The following OVCH1 variants were observed in gnomAD, a reference collection of about 807,000 sequenced individuals.
The protein encoded by OVCH1 is ovochymase 1.
A neutral mutation model predicts 138.4 loss-of-function variants in OVCH1; 139 were observed. That is an observed-to-expected ratio of 1.00 (90% CI 0.87 to 1.16). OVCH1 has a LOEUF of 1.16. Among genes scored for constraint, OVCH1 ranks in the 50% most tolerant of loss-of-function variants. OVCH1 has a pLI of 0.00. For synonymous variants in OVCH1, 453 were observed against 467.8 expected, an observed-to-expected ratio of 0.97 and a Z score of 0.41; for missense variants, 1,367 against 1,357.9, an observed-to-expected ratio of 1.01 and a Z score of -0.11.
chr12:29,487,526 C>A, intron 7 of OVCH1, 167 bp downstream of exon 7: 1 of 598,264 alleles, frequency 1.7e-6, no homozygotes, highest in Non-Finnish European at 2.7e-6. Context: ...GTTATATTGA[C>A]AGATTTCTGT....
chr12:29,407,795 T>G (rs1168330891), downstream of OVCH1, among the ~76,000 whole-genome samples: 1 of 151,234 alleles, frequency 6.6e-6, no homozygotes, highest in Non-Finnish European at 1.5e-5. Context: ...TGCGGGCTCT[T>G]TTTTGGTTCC....
At chr12:29,470,011 G>T (rs533415454) in intron 16 of OVCH1, among the ~76,000 whole-genome samples, 1 of 152,214 alleles carries the variant, frequency 6.6e-6, no homozygotes, top group South Asian at 2.1e-4. Flanking sequence ...ACAAATTACA[G>T]TTATACACAG....
chr12:29,439,300 G>T, intron 26 of OVCH1: 2 of 1,455,444 alleles, frequency 1.4e-6, no homozygotes, highest in Non-Finnish European at 9.1e-7. Context: ...ATAAGCCCAA[G>T]TTCTAATCAC....
chr12:29,491,400 A>G (rs899003001), intron 4 of OVCH1, among the ~76,000 whole-genome samples: 5 of 152,224 alleles, frequency 3.3e-5, no homozygotes, highest in African/African-American at 1.2e-4. Context: ...AAGGATAAAC[A>G]TAAGGCCAAT....
At chr12:29,456,426 G>C (rs1157184620) in intron 19 of OVCH1, among the ~76,000 whole-genome samples, 9 of 152,098 alleles carry the variant, frequency 5.9e-5, no homozygotes, top group Non-Finnish European at 8.8e-5. Flanking sequence ...ATTTCAAAAG[G>C]CAAAAATACT....
At chr12:29,425,600 C>T (rs1001490568), downstream of OVCH1, among the ~76,000 whole-genome samples, 6 of 152,114 alleles carry the variant, frequency 3.9e-5, no homozygotes, top group Non-Finnish European at 4.4e-5. Context: ...TACTTATTAG[C>T]GATGTCACTG....
rs181619272 is a variant in OVCH1, at chr12:29,419,437, G to A, written c.*71+3690C>T. ...CGAGTAGCTGGGACTACAGGTGCCCGCCACCATGCCCGGCTAATTTTTTTT... is the reference window on the plus strand; with the variant it reads ...CGAGTAGCTGGGACTACAGGTGCCCACCACCATGCCCGGCTAATTTTTTTT... On this transcript the variant is annotated intron_variant and NMD_transcript_variant, in intron 3 of 4. Transcript: ENST00000539117. 2.2e-5 allele frequency among the ~76,000 whole-genome samples: 3 copies of A among 137,568 alleles called. 1 individual carries two copies. The highest frequency in any genetic ancestry group is 2.2e-4 in the East Asian group (1 of 4,610). 90.2% of individuals were successfully genotyped at this position (137,568 alleles called of 152,430 possible). A position where few individuals can be genotyped will look rare whatever the true frequency, so the allele number is the denominator to read the frequency against.
intron 9 of OVCH1, among the ~76,000 whole-genome samples, chr12:29,478,261 T>C (rs990423000): frequency 3.3e-5 from 5 of 152,176 alleles, no homozygotes; most frequent in African/African-American, 9.7e-5. Flanking sequence ...CATCAAACAA[T>C]GTAAAGTTCA....
At chr12:29,455,549 TACTATCTATTC>T in intron 19 of OVCH1, 144 bp from the exon 20 acceptor site, 1 of 974,272 alleles carries the variant, frequency 1.0e-6, no homozygotes, top group Non-Finnish European at 1.4e-6. Context: ...CATCTTTACA[TACTATCTATTC>T]ACTGTTTTGC....
intron 26 of OVCH1, among the ~76,000 whole-genome samples, chr12:29,436,369 CAT>C (rs146188676): frequency 0.12 from 18,874 of 151,364 alleles, 1,659 homozygotes; most frequent in African/African-American, 0.25. Context: ...GATGAAAATA[CAT>C]GTTATATAAC....
downstream of OVCH1, among the ~76,000 whole-genome samples, chr12:29,407,911 T>C (rs1204330919): frequency 4.0e-5 from 6 of 150,352 alleles, no homozygotes; most frequent in Non-Finnish European, 8.9e-5. Context: ...GTGGCCATTT[T>C]CAAGATATTG....
At chr12:29,414,706 G>A (rs1941008984) in intron 3 of OVCH1, among the ~76,000 whole-genome samples, 4 of 152,022 alleles carry the variant, frequency 2.6e-5, no homozygotes, top group Admixed American at 2.0e-4. Flanking sequence ...CTACTTCTGG[G>A]AAGTTTATTT....
chr12:29,447,846 A>C (rs1368111728), intron 22 of OVCH1, among the ~76,000 whole-genome samples: 1 of 152,054 alleles, frequency 6.6e-6, no homozygotes, highest in African/African-American at 2.4e-5. Context: ...GGAGGTGACT[A>C]TTCTCTTGTT....
At chr12:29,441,918 T>C (rs867300635) in intron 25 of OVCH1, among the ~76,000 whole-genome samples, 39 of 152,104 alleles carry the variant, frequency 2.6e-4, no homozygotes, top group African/African-American at 8.9e-4. Context: ...AAAACCACAA[T>C]GAGATACCAT....
chr12:29,464,684 T>C lies in OVCH1; in HGVS notation c.1948A>G (p.Ile650Val), dbSNP rs367609287. The C allele has an allele frequency of 3.2e-5, 52 of 1,613,098 alleles. No homozygotes were observed. The African/African-American group carries it at 5.3e-4, about 17-fold the overall frequency. The stretch of plus-strand genomic sequence containing the variant: ...GTGTTAAAGTCTTCATGCACTATTA[T>C]GTGTTTGGCCCTTCTCACCTGTATC... The change falls in exon 18 of 28, where the codon ATA becomes GTA. Residue 650 changes from isoleucine to valine, a missense_variant. Transcript: ENST00000318184.
chr12:29,444,120 A>G, intron 24 of OVCH1, 25 bp downstream of exon 24: 2 of 1,570,474 alleles, frequency 1.3e-6, no homozygotes, highest in Non-Finnish European at 1.7e-6. Flanking sequence ...CACTTCTTCC[A>G]TTATAATAAT....
chr12:29,494,809 G>A (rs2136097537), intron 4 of OVCH1, among the ~76,000 whole-genome samples: 1 of 152,246 alleles, frequency 6.6e-6, no homozygotes, highest in African/African-American at 2.4e-5. Flanking sequence ...TGAGAGGCAG[G>A]AAAGGGTAGG....
chr12:29,462,114 C>T, intron 18 of OVCH1, 106 bp from the exon 19 acceptor site: 1 of 1,269,028 alleles, frequency 7.9e-7, no homozygotes, highest in Non-Finnish European at 1.1e-6. Flanking sequence ...TAGCTGAAGT[C>T]ATTCAGTTTG....
chr12:29,471,602 G>A (rs151319966), intron 16 of OVCH1, among the ~76,000 whole-genome samples, 200 bp downstream of exon 16: 4 of 152,328 alleles, frequency 2.6e-5, no homozygotes, highest in African/African-American at 9.6e-5. Flanking sequence ...ATTTAAACGG[G>A]ATAAGCAGTC....
Sources: allele counts gnomAD v4.1 joint callset (sites outside exome capture counted in the v4.1 genomes callset), GRCh38; gene constraint gnomAD v4.1.1; transcripts MANE v1.5; gene names NCBI Gene and HGNC (gene_info 2026-07-23, HGNC 2026-07-21).